The following BLMH variants were observed in gnomAD, a reference collection of about 807,000 sequenced individuals.
The protein encoded by BLMH is bleomycin hydrolase, also known as BLM hydrolase.
BLMH carries 32 observed loss-of-function variants against 61.6 expected under a neutral mutation model. The ratio of observed to expected loss-of-function variants is 0.52; its 90% CI spans 0.39 to 0.70. The LOEUF is 0.70. Among genes scored for constraint, BLMH ranks in the 30% least tolerant of loss-of-function variants. BLMH has a pLI of 0.00. For synonymous variants in BLMH, 183 were observed against 193.8 expected (o/e 0.94, Z 0.46); for missense variants, 460 against 555.5 (o/e 0.83, Z 1.73).
intron 6 of BLMH, among the ~76,000 whole-genome samples, chr17:30,279,348 T>C (rs1387264848): frequency 6.6e-6 from 1 of 152,214 alleles, no homozygotes; most frequent in African/African-American, 2.4e-5. Flanking sequence ...GGCAGTTGTA[T>C]GTCAAGGGAA....
rs773460236 is a variant in BLMH at position 30,271,314 on chromosome 17, G to C, written c.1103C>G (p.Ser368Ter). Residue 368 changes from serine (S) to a stop codon, truncating the protein, a stop_gained, in exon 10 of 12, where the codon TCA (serine) becomes TGA (stop). Transcript: ENST00000261714. LOFTEE classifies it high-confidence loss of function. ...GAAGGTCATGGCGTGGGTCATAAGT[G>C]ACTCACCAAAAGTCAGCCTCTCCGC... Reference protein sequence around the residue: ...NKAERLTFGESLMTHAMTFTA... With the variant: ...NKAERLTFGE 6.2e-7 allele frequency: 1 copy of C among 1,614,102 alleles called. No homozygotes were observed. The highest frequency in any genetic ancestry group is 1.1e-5 in the South Asian group (1 of 91,068).
intron 10 of BLMH, 119 bp from the exon 11 acceptor site, chr17:30,267,073 C>T (rs909077033): frequency 1.2e-5 from 10 of 824,338 alleles, no homozygotes; most frequent in African/African-American, 3.3e-5. Flanking sequence ...TACAGGCAGC[C>T]TGCTCTATAC....
At chr17:30,266,840 A>AG (rs773915799) in intron 11 of BLMH, 45 bp downstream of exon 11, 18 of 1,562,396 alleles carry the variant, frequency 1.2e-5, no homozygotes, top group Non-Finnish European at 1.5e-5. Flanking sequence ...GGCAGAGTAG[A>AG]GCAGGCCCAG....
In BLMH at chr17:30,272,515, G is replaced by A; in HGVS notation, c.1028+46C>T. The A allele has an allele frequency of 1.9e-6, 3 of 1,605,372 alleles. No homozygotes were observed. In the South Asian group the frequency reaches 3.3e-5, roughly 18 times the overall value. On this transcript the variant is annotated intron_variant, in intron 9 of 11. Transcript: ENST00000261714. Reference sequence around the variant, plus strand: ...TTTGTACCAACAGCACACTCCAACAGCAACAACCCACAAATGACTTTCCAT... The same window carrying A: ...TTTGTACCAACAGCACACTCCAACAACAACAACCCACAAATGACTTTCCAT...
intron 11 of BLMH, among the ~76,000 whole-genome samples, chr17:30,253,935 T>A (rs1907743278): frequency 1.3e-5 from 2 of 152,124 alleles, no homozygotes; most frequent in South Asian, 4.1e-4. Context: ...AGGGTCAGTC[T>A]GTAAAGGGAA....
intron 10 of BLMH, among the ~76,000 whole-genome samples, chr17:30,269,957 G>A (rs143344436): frequency 6.6e-6 from 1 of 152,186 alleles, no homozygotes; most frequent in East Asian, 1.9e-4. Flanking sequence ...AATACAGAGA[G>A]AGCACAGGGA....
At chr17:30,273,738 C>T (rs937133544) in intron 7 of BLMH, 5 of 379,692 alleles carry the variant, frequency 1.3e-5, no homozygotes, top group African/African-American at 2.1e-5. Context: ...ATACCCAACA[C>T]ACTTTCATTG....
intron 11 of BLMH, among the ~76,000 whole-genome samples, chr17:30,256,740 A>C (rs559018655): frequency 7.9e-5 from 12 of 152,172 alleles, no homozygotes; most frequent in Non-Finnish European, 5.9e-5. Flanking sequence ...AAAAACAAAA[A>C]AAAAAGAAGG....
intron 3 of BLMH, 155 bp from the exon 4 acceptor site, chr17:30,288,102 T>G: frequency 1.3e-6 from 1 of 795,954 alleles, no homozygotes; most frequent in South Asian, 2.0e-5. Flanking sequence ...AATTTGCATG[T>G]CATCCTTGTA....
chr17:30,286,387 T>A (rs1008176678), intron 5 of BLMH, among the ~76,000 whole-genome samples: 1 of 152,168 alleles, frequency 6.6e-6, no homozygotes, highest in African/African-American at 2.4e-5. Context: ...ATAAACCACA[T>A]TGATGTGGTC....
At chr17:30,289,049 G>C (rs1908810622) in intron 3 of BLMH, among the ~76,000 whole-genome samples, 1 of 152,058 alleles carries the variant, frequency 6.6e-6, no homozygotes, top group South Asian at 2.1e-4. Context: ...TTAGGTCCTA[G>C]AAAAGAACAA....
rs556925331 is a variant in BLMH, at chr17:30,267,608, CCTT to C, written c.1147-657_1147-655del. On this transcript the variant is annotated intron_variant, in intron 10 of 11. Transcript: ENST00000261714. ...AAAAGCCAGGCACTTCTACTGTTCT[CCTT>C]CTTCCATCTTCATTATTAAAATAAG... 4.3e-4 allele frequency among the ~76,000 whole-genome samples: 65 copies of C among 152,290 alleles called. 1 individual carries two copies. Among genetic ancestry groups the C allele is most frequent in the Admixed American group, 1.4e-3 (22 of 15,298 alleles).
intron 10 of BLMH, among the ~76,000 whole-genome samples, chr17:30,268,913 G>A (rs1230622799): frequency 6.7e-6 from 1 of 148,868 alleles, no homozygotes; most frequent in African/African-American, 2.5e-5. Flanking sequence ...TAGCCAGGCC[G>A]ATGGTGCACG....
chr17:30,285,100 ATC>A (rs1236195559), intron 6 of BLMH, among the ~76,000 whole-genome samples: 1 of 152,150 alleles, frequency 6.6e-6, no homozygotes, highest in Non-Finnish European at 1.5e-5. Flanking sequence ...TGTCTTTCTC[ATC>A]TGTTTCCTCA....
At chr17:30,272,457 C>T in intron 9 of BLMH, 104 bp downstream of exon 9, 1 of 1,313,976 alleles carries the variant, frequency 7.6e-7, no homozygotes, top group Non-Finnish European at 1.1e-6. Flanking sequence ...CTTAGGTCAA[C>T]CTTCATCTTT....
At chr17:30,282,520 G>A (rs977480924) in intron 6 of BLMH, among the ~76,000 whole-genome samples, 1 of 152,098 alleles carries the variant, frequency 6.6e-6, no homozygotes, top group African/African-American at 2.4e-5. Context: ...GCCCAACTGA[G>A]AATACATTAA....
chr17:30,289,398 T>C lies in BLMH; in HGVS notation c.296A>G (p.Gln99Arg). 5 of 1,610,058 alleles carry C rather than the reference T, an allele frequency of 3.1e-6. No individual in the cohort carries two copies. Among genetic ancestry groups the C allele is most frequent in the Non-Finnish European group, 4.2e-6 (5 of 1,176,914 alleles). ...CTTGTCCCAAAAAAACAGGTAAGAT[T>C]GGCTAAACTCAAATTCTTCAATATT... ...KLNIEEFEFS[Q>R]SYLFFWDKVE... is the part of the protein sequence containing the mutation. The change falls in exon 3 of 12, where the codon CAA becomes CGA. Residue 99 changes from glutamine to arginine, a missense_variant. Gln to Arg is a conservative substitution (Grantham distance 43, BLOSUM62 1). Transcript: ENST00000261714.
In BLMH at chr17:30,291,791, G is replaced by T. The variant is rs556127250; in HGVS notation, c.13+16C>A. 1.0e-5 allele frequency: 14 copies of T among 1,401,624 alleles called. No individual in the cohort carries two copies. The highest frequency in any genetic ancestry group is 1.5e-5 in the African/African-American group (1 of 68,562). The allele number at this position is 1,401,624 out of a possible 1,614,324, so 86.8% of individuals were successfully genotyped here. A position where few individuals can be genotyped will look rare whatever the true frequency, so the allele number is the denominator to read the frequency against. On this transcript the variant is annotated intron_variant, in intron 1 of 11. Coordinates refer to ENST00000261714, the MANE Select transcript of BLMH (RefSeq NM_000386.4). The stretch of plus-strand genomic sequence containing the variant: ...GCTCCTCCAGAGGACCGCGGCGGGG[G>T]ACGGCGGCACCTCACCCGAGCTGCT...
Position 30,248,813 on chromosome 17 carries a change from C to A in BLMH, c.*204G>T. On this transcript the variant is annotated 3_prime_UTR_variant, in exon 12 of 12. Coordinates refer to ENST00000261714, the MANE Select transcript of BLMH (RefSeq NM_000386.4). ...AGGAGAGTAGATAGTATGACCTGAT[C>A]TTCCCCCCTCTTTTTTTTCCTTTAA... 1.7e-6 allele frequency: 1 copy of A among 582,338 alleles called. No individual in the cohort carries two copies. 36.1% of individuals were successfully genotyped at this position (582,338 alleles called of 1,614,324 possible).
Sources: gnomAD v4.1 joint callset for allele counts (sites outside exome capture counted in the v4.1 genomes callset) on GRCh38, gnomAD v4.1.1 for gene constraint, MANE v1.5 for transcripts, NCBI Gene and HGNC (gene_info 2026-07-23, HGNC 2026-07-21) for gene names.